SPTB: variants seen among roughly 807,000 people sequenced by gnomAD.
SPTB encodes spectrin beta, erythrocytic, also known as spectrin beta chain, erythrocytic.
In SPTB, 45 loss-of-function variants were observed where a neutral mutation model predicts 256.2. The observed-to-expected ratio is 0.18, with a 90% CI of 0.14 to 0.23. SPTB has a LOEUF of 0.23. SPTB is among the 10% of genes least tolerant of loss of function. SPTB has a pLI of 1.00. For synonymous variants in SPTB, 1,231 were observed against 1,243.1 expected, an observed-to-expected ratio of 0.99 and a Z score of 0.21; for missense variants, 2,715 against 3,040.4, an observed-to-expected ratio of 0.89 and a Z score of 2.52.
At chr14:64,843,871 T>C (rs2083646642) in intron 1 of SPTB, among the ~76,000 whole-genome samples, 1 of 152,198 alleles carries the variant, frequency 6.6e-6, no homozygotes, top group Non-Finnish European at 1.5e-5. Context: ...CCCATTCTCC[T>C]GACTGGACTC....
In SPTB at chr14:64,774,795, A is replaced by G. The variant is rs1019240528; in HGVS notation, c.4843-268T>C. Among the ~76,000 whole-genome samples, 4 of 151,978 alleles carry G rather than the reference A, an allele frequency of 2.6e-5. 1 individual carries two copies. The highest frequency in any genetic ancestry group is 4.1e-4 in the South Asian group (2 of 4,822). On this transcript the variant is annotated intron_variant, in intron 23 of 35. Transcript: ENST00000644917. ...ACCCCTGTCCCCATGAAAACATCCT[A>G]TATCATTCCAGCTTTGAGAGACCCC... is the stretch of plus-strand genomic sequence containing the variant.
chr14:64,750,952 C>T (rs2081938367), intron 33 of SPTB, among the ~76,000 whole-genome samples: 1 of 143,562 alleles, frequency 7.0e-6, no homozygotes, highest in Non-Finnish European at 1.5e-5. Flanking sequence ...CTATATAATA[C>T]ATATTTTATA....
chr14:64,772,869 T>C lies in SPTB; in HGVS notation c.5264A>G (p.Glu1755Gly). 1 of 1,611,416 alleles carries C rather than the reference T, an allele frequency of 6.2e-7. No homozygotes were observed. Among genetic ancestry groups the C allele is most frequent in the African/African-American group, 1.3e-5 (1 of 74,978 alleles). ...GCTGTGGCCCGCGTCGATGAGTCGC[T>C]CGATGAAGGCATTCACATTGTCCAC... ...ERVDNVNAFIERLIDAGHSEA... is the reference protein window; with the variant it reads ...ERVDNVNAFIGRLIDAGHSEA... The change falls in exon 26 of 36, where the codon GAG (glutamate) becomes GGG (glycine). Residue 1755 changes from glutamate (E) to glycine (G), a missense_variant. Around this residue, in one of 4 missense-constraint regions of SPTB, gnomAD observed 2,239 missense variants for 2,384.4 expected, o/e 0.94. Coordinates refer to ENST00000644917, the MANE Select transcript of SPTB (RefSeq NM_001355436.2). This position sits in a 1 kb window ranked among gnomAD's most constrained non-coding sequence, Gnocchi z 5.4.
intron 1 of SPTB, among the ~76,000 whole-genome samples, chr14:64,849,423 A>T (rs1287251937): frequency 6.6e-6 from 1 of 152,220 alleles, no homozygotes; most frequent in Non-Finnish European, 1.5e-5. Context: ...GTGTCACAGC[A>T]ATGTTTATAT....
chr14:64,862,542 A>AT (rs2139805171), intron 1 of SPTB, among the ~76,000 whole-genome samples: 1 of 152,154 alleles, frequency 6.6e-6, no homozygotes, highest in Admixed American at 6.5e-5. Flanking sequence ...ATTATTCTTA[A>AT]TTTTGATTAT....
At chr14:64,751,137 A>G (rs1032263445) in intron 33 of SPTB, among the ~76,000 whole-genome samples, 2 of 148,074 alleles carry the variant, frequency 1.4e-5, no homozygotes, top group Admixed American at 1.4e-4. Context: ...TAATATACAT[A>G]TTTTTAGACA....
At chr14:64,765,856 T>G (rs1002929803) in intron 32 of SPTB, among the ~76,000 whole-genome samples, 2 of 140,308 alleles carry the variant, frequency 1.4e-5, no homozygotes, top group South Asian at 2.2e-4. Flanking sequence ...TGTGTGCACA[T>G]GTATGTGTGT....
At chr14:64,767,409 A>C (rs1418823151) in intron 30 of SPTB, 57 bp from the exon 31 acceptor site, 36 of 1,604,492 alleles carry the variant, frequency 2.2e-5, no homozygotes, top group African/African-American at 8.0e-5. Context: ...TTGTGTTCTC[A>C]GACGATCTCC....
chr14:64,848,074 C>T (rs1448989178), intron 1 of SPTB, among the ~76,000 whole-genome samples: 1 of 152,202 alleles, frequency 6.6e-6, no homozygotes. Flanking sequence ...TCCAGCGACT[C>T]ACCATCTTCA....
At chr14:64,794,654 G>T in intron 12 of SPTB, 37 bp from the exon 13 acceptor site, 1 of 1,608,868 alleles carries the variant, frequency 6.2e-7, no homozygotes, top group South Asian at 1.1e-5. Context: ...ATGAGGAGAA[G>T]TGAAGAGACC....
chr14:64,809,343 GTTTA>G (rs1338520781), intron 2 of SPTB, among the ~76,000 whole-genome samples: 3 of 150,524 alleles, frequency 2.0e-5, no homozygotes, highest in Non-Finnish European at 4.4e-5. Context: ...CAGGTTTTTG[GTTTA>G]TTTATTTGTT....
At chr14:64,799,129 A>C (rs1273967012) in intron 9 of SPTB, among the ~76,000 whole-genome samples, 1 of 152,234 alleles carries the variant, frequency 6.6e-6, no homozygotes, top group African/African-American at 2.4e-5. Context: ...TTGTGTGTGC[A>C]TGCATGTTCA....
chr14:64,817,772 C>T (rs2083218705), intron 2 of SPTB, among the ~76,000 whole-genome samples: 2 of 152,244 alleles, frequency 1.3e-5, no homozygotes, highest in Admixed American at 1.3e-4. Flanking sequence ...CCTTCAGCAG[C>T]AGAGTCAGGA....
chr14:64,854,746 C>T (rs982837899), intron 1 of SPTB, among the ~76,000 whole-genome samples: 4 of 152,184 alleles, frequency 2.6e-5, no homozygotes, highest in African/African-American at 9.7e-5. Context: ...GATTACACCC[C>T]ATCCCATCCT....
intron 32 of SPTB, chr14:64,766,276 G>T: frequency 1.7e-6 from 1 of 578,052 alleles, no homozygotes; most frequent in Non-Finnish European, 2.4e-6. Context: ...GTGTGTGCAT[G>T]CATGTGTGTG....
chr14:64,839,682 C>T (rs2083575269), intron 1 of SPTB, among the ~76,000 whole-genome samples: 5 of 152,094 alleles, frequency 3.3e-5, no homozygotes, highest in Admixed American at 1.3e-4. Flanking sequence ...CCATAAACTG[C>T]TCTGATGAGA....
Position 64,769,664 on chromosome 14 carries a change from G to A in SPTB, c.5863C>T (p.Arg1955Trp), listed in dbSNP as rs747917733. 2.0e-5 allele frequency: 33 copies of A among 1,614,054 alleles called. No homozygotes were observed. The highest frequency in any genetic ancestry group is 9.9e-5 in the South Asian group (9 of 91,090). ...HQGINAEIET[R>W]SKNFSACLEL... Reference sequence around the variant, plus strand: ...AGGCAGGCACTGAAGTTCTTGCTCCGGGTTTCAATCTCTGCATTGATGCCC... The same window carrying A: ...AGGCAGGCACTGAAGTTCTTGCTCCAGGTTTCAATCTCTGCATTGATGCCC... Residue 1955 changes from arginine (R) to tryptophan (W), a missense_variant, in exon 28 of 36, where the codon CGG becomes TGG. By Grantham distance (101) the Arg-to-Trp change is moderately radical (BLOSUM62 -3). Transcript: ENST00000644917.
chr14:64,761,506 G>C (rs767500892), intron 32 of SPTB, among the ~76,000 whole-genome samples: 9 of 152,144 alleles, frequency 5.9e-5, no homozygotes, highest in African/African-American at 9.7e-5. Context: ...GCAGTCCAGT[G>C]CAACACTGCA....
intron 18 of SPTB, among the ~76,000 whole-genome samples, chr14:64,784,735 G>A (rs1033027114): frequency 4.6e-5 from 7 of 152,194 alleles, no homozygotes; most frequent in Admixed American, 1.3e-4. Flanking sequence ...GGATAAATCC[G>A]TCCTTTGGCC....
Sources: gnomAD v4.1 joint callset for allele counts (sites outside exome capture counted in the v4.1 genomes callset) on GRCh38, gnomAD v4.1.1 for gene constraint, gnomAD v4.1.1 regional missense constraint, Gnocchi (gnomAD v3.1) non-coding constraint, MANE v1.5 for transcripts, NCBI Gene and HGNC (gene_info 2026-07-23, HGNC 2026-07-21) for gene names.